Variants in HMCN1 observed in about 807,000 individuals in gnomAD.
HMCN1 encodes the protein hemicentin-1.
HMCN1 carries 321 observed loss-of-function variants against 625.9 expected under a neutral mutation model. That is an observed-to-expected ratio of 0.51 (90% CI 0.47 to 0.56). The LOEUF is 0.56. HMCN1 is among the 20% of genes least tolerant of loss of function. The pLI, the probability that HMCN1 is intolerant of heterozygous loss-of-function variation, is 0.00. For synonymous variants in HMCN1, 2,425 were observed against 2,417.6 expected (o/e 1.00, Z -0.09); for missense variants, 6,588 against 6,887.3 (o/e 0.96, Z 1.54).
chr1:186,144,028 C>T (rs1415403632), intron 89 of HMCN1, 145 bp from the exon 90 acceptor site: 3 of 685,730 alleles, frequency 4.4e-6, no homozygotes, highest in Non-Finnish European at 6.9e-6. Flanking sequence ...GAAAGATCAT[C>T]ATTTGTTATG....
chr1:186,060,983 C>G (rs150705242), intron 46 of HMCN1, among the ~76,000 whole-genome samples: 31 of 152,190 alleles, frequency 2.0e-4, no homozygotes, highest in African/African-American at 6.5e-4. Context: ...AATCTAAATT[C>G]CTTAGCATAG....
chr1:186,150,899 T>G (rs1009144791), intron 93 of HMCN1, among the ~76,000 whole-genome samples: 2 of 151,898 alleles, frequency 1.3e-5, no homozygotes, highest in African/African-American at 4.8e-5. Flanking sequence ...ACCACCAACA[T>G]ATTCTTTATT....
At chr1:186,076,658 C>G (rs775371874) in intron 54 of HMCN1, 36 bp downstream of exon 54, 2 of 1,586,718 alleles carry the variant, frequency 1.3e-6, no homozygotes, top group South Asian at 1.1e-5. Context: ...AAAGCTGACT[C>G]TCTGCCAAAT....
intron 35 of HMCN1, among the ~76,000 whole-genome samples, chr1:186,022,546 G>T (rs1211741738): frequency 6.6e-6 from 1 of 152,142 alleles, no homozygotes; most frequent in African/African-American, 2.4e-5. Flanking sequence ...GCCAGTTGCA[G>T]TAGGTTTAAG....
intron 1 of HMCN1, among the ~76,000 whole-genome samples, chr1:185,819,331 C>A (rs116311416): frequency 0.017 from 2,593 of 151,854 alleles, 79 homozygotes; most frequent in African/African-American, 0.057. Context: ...ACATTGAGGA[C>A]CATTGTAGGC....
At position 186,123,075 on chromosome 1, in the gene HMCN1, A is replaced by G; in HGVS notation, c.12354A>G (p.Ala4118=). 1.2e-6 allele frequency: 2 copies of G among 1,614,112 alleles called. No homozygotes were observed. The part of the protein sequence containing the change: ...PDITWHKDGR[A]IVESIRQRVL... ...TTACATGGCATAAAGATGGGCGTGC[A>G]ATTGTGGAATCTATCCGCCAGCGCG... Residue 4118 remains alanine (A), a synonymous_variant, in exon 81 of 107, where the codon GCA becomes GCG. Coordinates refer to ENST00000271588, the MANE Select transcript of HMCN1 (RefSeq NM_031935.3).
intron 11 of HMCN1, among the ~76,000 whole-genome samples, chr1:185,957,508 A>G (rs112316997): frequency 8.0e-4 from 122 of 152,338 alleles, no homozygotes; most frequent in Non-Finnish European, 1.3e-3. Flanking sequence ...GACAACAGAA[A>G]TAGTTTTCTG....
rs1010155574 is a variant in HMCN1, at chr1:186,062,180, A to G, written c.7426+216A>G. 7.9e-5 allele frequency among the ~76,000 whole-genome samples: 12 copies of G among 152,310 alleles called. 1 individual carries two copies. Among genetic ancestry groups the G allele is most frequent in the African/African-American group, 2.6e-4 (11 of 41,572 alleles). On this transcript the variant is annotated intron_variant, in intron 47 of 106. Transcript: ENST00000271588. ...TGTTTTAATTCACAATTGCTCAACAATATTCTGAGAGGCTGAATGACTTGT... is the reference window on the plus strand; with the variant it reads ...TGTTTTAATTCACAATTGCTCAACAGTATTCTGAGAGGCTGAATGACTTGT...
chr1:185,949,196 G>A (rs902660447), intron 11 of HMCN1, among the ~76,000 whole-genome samples: 1 of 151,808 alleles, frequency 6.6e-6, no homozygotes, highest in African/African-American at 2.4e-5. Context: ...GTGATGGCTT[G>A]GAAAAACAGT....
intron 1 of HMCN1, among the ~76,000 whole-genome samples, chr1:185,765,803 A>G (rs1248760537): frequency 6.6e-6 from 1 of 152,198 alleles, no homozygotes; most frequent in Non-Finnish European, 1.5e-5. Context: ...TTACTTAAGA[A>G]ACTGGATGGG....
At chr1:185,830,098 G>T (rs1346850260) in intron 1 of HMCN1, among the ~76,000 whole-genome samples, 2 of 151,676 alleles carry the variant, frequency 1.3e-5, no homozygotes, top group Non-Finnish European at 2.9e-5. Flanking sequence ...AGAGTTGTTT[G>T]TTTTTTTCTT....
intron 1 of HMCN1, among the ~76,000 whole-genome samples, chr1:185,825,036 T>C (rs1413238555): frequency 1.3e-5 from 2 of 152,148 alleles, no homozygotes; most frequent in African/African-American, 4.8e-5. Flanking sequence ...GCCATCATTA[T>C]ATTAGATTTT....
intron 68 of HMCN1, among the ~76,000 whole-genome samples, chr1:186,102,775 G>A (rs551241872): frequency 1.3e-4 from 20 of 152,210 alleles, no homozygotes; most frequent in African/African-American, 4.6e-4. Context: ...CATAGAAAAC[G>A]CAAATGGTCA....
chr1:185,918,390 C>G (rs1400621847), intron 6 of HMCN1, among the ~76,000 whole-genome samples: 1 of 152,202 alleles, frequency 6.6e-6, no homozygotes, highest in Admixed American at 6.5e-5. Flanking sequence ...GCCAGCTTAT[C>G]CCACCTTCTT....
rs187954551 is a variant in HMCN1, at chr1:186,063,915, C to T, written c.7513+1315C>T. Among the ~76,000 whole-genome samples the T allele has an allele frequency of 1.7e-3, 262 of 152,154 alleles. 4 individuals are homozygous for T. Among genetic ancestry groups the T allele is most frequent in the Non-Finnish European group, 1.9e-4 (13 of 67,988 alleles). On this transcript the variant is annotated intron_variant, in intron 48 of 106. Transcript: ENST00000271588. ...AAGGCTGTCTTTTTATTGTAGATGG[C>T]CTTGCAGTTTTAAAGTAAGAATGAA...
rs536309215 is a variant in HMCN1 at position 185,846,263 on chromosome 1, T to C, written c.339+167T>C. Among the ~76,000 whole-genome samples the C allele has an allele frequency of 3.3e-5, 5 of 152,278 alleles. No homozygotes were observed. In the East Asian group the frequency reaches 9.6e-4, roughly 29 times the overall value. ...CCTGAGTCTGGAATGAATTGAACAATACATACAGAAATAGGACAGATGGGG... is the reference window on the plus strand; with the variant it reads ...CCTGAGTCTGGAATGAATTGAACAACACATACAGAAATAGGACAGATGGGG... On this transcript the variant is annotated intron_variant, in intron 2 of 106. Transcript: ENST00000271588.
chr1:185,946,201 A>G (rs1668334444), intron 11 of HMCN1, among the ~76,000 whole-genome samples: 1 of 152,222 alleles, frequency 6.6e-6, no homozygotes, highest in African/African-American at 2.4e-5. Context: ...AAGGTAGCAG[A>G]TAAATTTATC....
Position 186,129,955 on chromosome 1 carries a change from G to A in HMCN1, c.12905-11G>A. The A allele has an allele frequency of 6.2e-7, 1 of 1,612,492 alleles. No homozygotes were observed. The highest frequency in any genetic ancestry group is 1.3e-5 in the African/African-American group (1 of 74,926). ...CTGAGAGGCACTTGTGTTGTTTCTT[G>A]TTTCCCTCAGCCCACTTTGACAGTG... On this transcript the variant is annotated splice_polypyrimidine_tract_variant and intron_variant, in intron 83 of 106. Transcript: ENST00000271588.
intron 2 of HMCN1, among the ~76,000 whole-genome samples, chr1:185,856,487 C>CAAA (rs58320542): frequency 9.7e-6 from 1 of 102,780 alleles, no homozygotes; most frequent in Non-Finnish European, 2.0e-5. Flanking sequence ...GACCCTGTCT[C>CAAA]AAAAAAAAAA....
Sources: gnomAD v4.1 joint callset for allele counts (sites outside exome capture counted in the v4.1 genomes callset) on GRCh38, gnomAD v4.1.1 for gene constraint, MANE v1.5 for transcripts, NCBI Gene and HGNC (gene_info 2026-07-23, HGNC 2026-07-21) for gene names.